C2: variants seen among roughly 807,000 people sequenced by gnomAD.
The protein encoded by C2 is C3/C5 convertase.
C2 carries 64 observed loss-of-function variants against 85.2 expected under a neutral mutation model. The ratio of observed to expected loss-of-function variants is 0.75; its 90% confidence interval spans 0.61 to 0.92. C2 has a LOEUF of 0.92. Among genes scored for constraint, C2 ranks in the 40% least tolerant of loss-of-function variants. C2 has a pLI of 0.00. For synonymous variants in C2, 311 were observed against 370.8 expected, an observed-to-expected ratio of 0.84 and a Z score of 1.85; for missense variants, 820 against 971.6, an observed-to-expected ratio of 0.84 and a Z score of 2.07.
At chr6:31,899,050 C>T (rs1581985967), upstream of C2, among the ~76,000 whole-genome samples, 1 of 151,294 alleles carries the variant, frequency 6.6e-6, no homozygotes. Context: ...CATGTACACG[C>T]AGTTGCCAGA....
In C2 at chr6:31,928,823, GTGTGAGGA is replaced by G. The variant is rs776578295; in HGVS notation, c.351_358del (p.Cys117TrpfsTer26). On this transcript the variant is annotated frameshift_variant, in exon 3 of 18. Coordinates refer to ENST00000299367, the MANE Select transcript of C2 (RefSeq NM_000063.6). LOFTEE classifies it high-confidence loss of function. Reference sequence around the variant, plus strand: ...CCGTGGGTGGCAATGTGAGCTTCGAGTGTGAGGATGGCTTCATATTGCGGGGCTCGCCT... The same window carrying G: ...CCGTGGGTGGCAATGTGAGCTTCGAGTGGCTTCATATTGCGGGGCTCGCCT... 6.2e-7 allele frequency: 1 copy of G among 1,614,248 alleles called. No homozygotes were observed. Among genetic ancestry groups the G allele is most frequent in the Non-Finnish European group, 8.5e-7 (1 of 1,180,046 alleles).
chr6:31,943,692 T>G lies in C2; in HGVS notation c.1616T>G (p.Val539Gly). The stretch of plus-strand genomic sequence containing the variant: ...AAAGAATTCCTTATTGAGAAGGCGG[T>G]GATCTCCCCAGGGTTTGATGTCTTT... ...WGKEFLIEKA[V>G]ISPGFDVFAK... The change falls in exon 13 of 18, where the codon GTG becomes GGG. Residue 539 changes from valine to glycine, a missense_variant. By Grantham distance (109) the Val-to-Gly change is moderately radical. Transcript: ENST00000299367. The surrounding 1 kb of genome is among the most constrained non-coding windows in gnomAD (Gnocchi z 6.4). 6.2e-7 allele frequency: 1 copy of G among 1,613,072 alleles called. No homozygotes were observed. The highest frequency in any genetic ancestry group is 8.5e-7 in the Non-Finnish European group (1 of 1,180,006).
At position 31,902,351 on chromosome 6, in the gene C2, A is replaced by G. The variant is rs571346077; in HGVS notation, c.73+1212A>G. Among the ~76,000 whole-genome samples, 1,048 of 151,052 alleles carry G rather than the reference A, an allele frequency of 6.9e-3. 6 individuals are homozygous for G. Among genetic ancestry groups the G allele is most frequent in the Non-Finnish European group, 0.012 (815 of 67,716 alleles). ...GCCCGCCCCCCAATCCCGGCTGCCC[A>G]TGGCGCTACTCGCTCCGCGTCCCCG... On this transcript the variant is annotated intron_variant, in intron 1 of 3. Coordinates refer to the C2 transcript ENST00000452202.
rs138217555 is a variant in C2 at position 31,903,166 on chromosome 6, T to C, written c.73+2027T>C. 5.3e-3 allele frequency among the ~76,000 whole-genome samples: 805 copies of C among 152,344 alleles called. 7 individuals are homozygous for C. The highest frequency in any genetic ancestry group is 7.4e-3 in the African/African-American group (307 of 41,566). On this transcript the variant is annotated intron_variant, in intron 1 of 3. Coordinates refer to the C2 transcript ENST00000452202. ...CCAAGTCCGCGTGAAGATGCCACTG[T>C]TTCCTGCCAATTGGATTTCTTTTTT... is the stretch of plus-strand genomic sequence containing the variant.
chr6:31,941,841 TGGAG>T (rs1770910171), intron 9 of C2: 1 of 130,064 alleles, frequency 7.7e-6, no homozygotes, highest in African/African-American at 2.9e-5. Flanking sequence ...TTTTTTGAGA[TGGAG>T]TCTTGCTCTG....
intron 7 of C2, 163 bp from the exon 8 acceptor site, chr6:31,937,156 C>A: frequency 1.5e-6 from 1 of 664,518 alleles, no homozygotes; most frequent in Non-Finnish European, 2.6e-6. Flanking sequence ...TTGCAGTCAG[C>A]CAAGATCACG....
intron 1 of C2, among the ~76,000 whole-genome samples, chr6:31,912,932 G>A (rs1217674746): frequency 6.7e-6 from 1 of 148,996 alleles, no homozygotes; most frequent in African/African-American, 2.5e-5. Context: ...AGTGGCTCAC[G>A]CCTGTAATCC....
Position 31,936,056 on chromosome 6 carries a change from A to G in C2, c.983A>G (p.Tyr328Cys). 6.2e-7 allele frequency: 1 copy of G among 1,612,998 alleles called. No individual in the cohort carries two copies. Among genetic ancestry groups the G allele is most frequent in the South Asian group, 1.1e-5 (1 of 91,078 alleles). Residue 328 changes from tyrosine (Y) to cysteine (C), a missense_variant, in exon 7 of 18, where the codon TAT becomes TGT. Coordinates refer to ENST00000299367, the MANE Select transcript of C2 (RefSeq NM_000063.6). Reference sequence around the variant, plus strand: ...ATCAGCAGCCTGGAAAATGCCAACTATAAAGGTACGGGTGTCATCACGTGA... The same window carrying G: ...ATCAGCAGCCTGGAAAATGCCAACTGTAAAGGTACGGGTGTCATCACGTGA... Reference protein sequence around the residue: ...EVISSLENANYKDHENGTGTN... With the variant: ...EVISSLENANCKDHENGTGTN...
intron 9 of C2, among the ~76,000 whole-genome samples, chr6:31,940,299 C>T (rs1030526054): frequency 2.0e-5 from 3 of 152,164 alleles, no homozygotes; most frequent in Admixed American, 6.5e-5. Flanking sequence ...CCACGACCGT[C>T]GTCGTTATCA....
At chr6:31,933,575 G>A in intron 3 of C2, 35 bp from the exon 4 acceptor site, 6 of 1,610,168 alleles carry the variant, frequency 3.7e-6, no homozygotes, top group Non-Finnish European at 5.1e-6. Context: ...ATGGGAGGGG[G>A]CTACTCACCT....
rs2151772435 is a variant in C2 at position 31,943,739 on chromosome 6, C to T, written c.1663C>T (p.Leu555=). 6.2e-7 allele frequency: 1 copy of T among 1,613,078 alleles called. No individual in the cohort carries two copies. The highest frequency in any genetic ancestry group is 1.3e-5 in the African/African-American group (1 of 75,044). Residue 555 remains leucine (L), a synonymous_variant, in exon 13 of 18, where the codon CTG becomes TTG. Coordinates refer to ENST00000299367, the MANE Select transcript of C2 (RefSeq NM_000063.6). This position sits in a 1 kb window ranked among gnomAD's most constrained non-coding sequence, Gnocchi z 6.4. ...CTTTGCCAAAAAGAACCAGGGAATC[C>T]TGGAGTTCTATGGTGATGACATAGC... is the stretch of plus-strand genomic sequence containing the variant. The part of the protein sequence containing the change: ...DVFAKKNQGI[L]EFYGDDIALL...
Position 31,921,613 on chromosome 6 carries a change from TC to T in C2, c.-100+1590del, listed in dbSNP as rs146300796. 0.011 allele frequency among the ~76,000 whole-genome samples: 1,701 copies of T among 152,152 alleles called. 23 individuals are homozygous for T. Among genetic ancestry groups the T allele is most frequent in the African/African-American group, 0.034 (1,405 of 41,488 alleles). The stretch of plus-strand genomic sequence containing the variant: ...AGGAGCCATGCTGCCTGGGTTTGAA[TC>T]CCGGCTCTGCTGCTTAGTACCTGTA... On this transcript the variant is annotated intron_variant, in intron 1 of 3. Coordinates refer to the C2 transcript ENST00000413154. The surrounding 1 kb of genome is among the most constrained non-coding windows in gnomAD (Gnocchi z 4.6).
rs1045639466 is a variant in C2, at chr6:31,944,021, G to A, written c.1810+28G>A. The A allele has an allele frequency of 6.2e-7, 1 of 1,610,144 alleles. No homozygotes were observed. Reference sequence around the variant, plus strand: ...GAGTGCTGGGACTTATGGTGCTTGAGAGCTGGGGCCGGGGTTTGGGGGTGA... The same window carrying A: ...GAGTGCTGGGACTTATGGTGCTTGAAAGCTGGGGCCGGGGTTTGGGGGTGA... On this transcript the variant is annotated intron_variant, in intron 14 of 17. Coordinates refer to ENST00000299367, the MANE Select transcript of C2 (RefSeq NM_000063.6). The surrounding 1 kb of genome is among the most constrained non-coding windows in gnomAD (Gnocchi z 5.1).
intron 3 of C2, 35 bp from the exon 4 acceptor site, chr6:31,933,575 G>T: frequency 6.2e-7 from 1 of 1,610,168 alleles, no homozygotes; most frequent in Non-Finnish European, 8.5e-7. Context: ...ATGGGAGGGG[G>T]CTACTCACCT....
At position 31,933,631 on chromosome 6, in the gene C2, G is replaced by A. The variant is rs373614451; in HGVS notation, c.464G>A (p.Gly155Asp). Residue 155 changes from glycine to aspartate, a missense_variant, in exon 4 of 18, where the codon GGC becomes GAC. Transcript: ENST00000299367. ...GCAGCTGGCCACTGCCCCAACCCAG[G>A]CATTTCACTGGGCGCAGTGCGGACA... ...DNGAGHCPNP[G>D]ISLGAVRTGF... The A allele has an allele frequency of 6.2e-7, 1 of 1,612,954 alleles. No homozygotes were observed. The highest frequency in any genetic ancestry group is 1.3e-5 in the African/African-American group (1 of 74,928).
chr6:31,936,126 C>A, intron 7 of C2, 65 bp downstream of exon 7: 1 of 1,565,910 alleles, frequency 6.4e-7, no homozygotes, highest in Non-Finnish European at 8.7e-7. Context: ...GGCCTGCAAA[C>A]AAATTCTGGA....
intron 3 of C2, among the ~76,000 whole-genome samples, chr6:31,932,882 G>A (rs1201359868): frequency 1.3e-5 from 2 of 152,276 alleles, no homozygotes; most frequent in African/African-American, 4.8e-5. Flanking sequence ...GGGAGGCCGA[G>A]GCTGGTGGAT....
intron 1 of C2, among the ~76,000 whole-genome samples, chr6:31,909,113 T>C (rs1282542360): frequency 6.6e-6 from 1 of 151,990 alleles, no homozygotes; most frequent in East Asian, 1.9e-4. Context: ...GTACATGTTC[T>C]GGGGCTGGCC....
intron 1 of C2, among the ~76,000 whole-genome samples, chr6:31,902,721 C>T (rs1290452439): frequency 3.3e-5 from 5 of 152,204 alleles, no homozygotes; most frequent in African/African-American, 1.2e-4. Flanking sequence ...CTCAACTTTC[C>T]TCCACTCCAT....
Sources: gnomAD v4.1 joint callset for allele counts (sites outside exome capture counted in the v4.1 genomes callset) on GRCh38, gnomAD v4.1.1 for gene constraint, Gnocchi (gnomAD v3.1) non-coding constraint, MANE v1.5 for transcripts, NCBI Gene and HGNC (gene_info 2026-07-23, HGNC 2026-07-21) for gene names.